The following LPP variants were observed in gnomAD, a reference collection of about 807,000 sequenced individuals.
LPP encodes lipoma-preferred partner.
LPP carries 38 observed loss-of-function variants against 60.4 expected under a neutral mutation model. The observed-to-expected ratio is 0.63, with a 90% CI of 0.49 to 0.83. LPP has a LOEUF of 0.83. LPP is among the 40% of genes least tolerant of loss of function. The probability of loss-of-function intolerance (pLI) is 0.00; values close to 1 mark genes in which losing one functional copy is unlikely to be tolerated. For missense variants in LPP, 902 were observed against 783.6 expected (o/e 1.15, Z -1.80); for synonymous variants, 328 against 290.8 (o/e 1.13, Z -1.30).
At chr3:188,479,213 T>A (rs1309315254) in intron 4 of LPP, among the ~76,000 whole-genome samples, 1 of 152,228 alleles carries the variant, frequency 6.6e-6, no homozygotes, top group Non-Finnish European at 1.5e-5. Context: ...TTGTGGAGTA[T>A]CTACATGCTT....
At chr3:188,583,144 A>G (rs1018323147) in intron 6 of LPP, among the ~76,000 whole-genome samples, 1 of 152,252 alleles carries the variant, frequency 6.6e-6, no homozygotes, top group African/African-American at 2.4e-5. Context: ...TGAATCTCAT[A>G]TAACTATGTG....
At chr3:188,742,986 T>G (rs572372714) in intron 8 of LPP, among the ~76,000 whole-genome samples, 2 of 152,250 alleles carry the variant, frequency 1.3e-5, no homozygotes, top group South Asian at 4.1e-4. Flanking sequence ...AGGTTAGGTT[T>G]CTTTAAAGGA....
intron 3 of LPP, among the ~76,000 whole-genome samples, chr3:188,369,693 A>C (rs138057257): frequency 2.5e-3 from 378 of 152,074 alleles, no homozygotes; most frequent in Non-Finnish European, 4.4e-3. Flanking sequence ...TCTGACAGCA[A>C]CTCTAGTGTA....
intron 6 of LPP, among the ~76,000 whole-genome samples, chr3:188,530,170 A>G (rs141605064): frequency 7.2e-6 from 1 of 138,906 alleles, no homozygotes; most frequent in African/African-American, 2.6e-5. Context: ...AAACTTACTT[A>G]GCAGTACCTA....
intron 9 of LPP, among the ~76,000 whole-genome samples, chr3:188,765,861 C>CTTTTTTTTTTT (rs71169019): frequency 3.2e-5 from 3 of 92,618 alleles, no homozygotes; most frequent in African/African-American, 4.3e-5. Flanking sequence ...ATGTTCAACT[C>CTTTTTTTTTTT]TTTTTTTTTT....
intron 8 of LPP, among the ~76,000 whole-genome samples, chr3:188,728,875 GAA>G (rs199585319): frequency 0.23 from 33,578 of 143,742 alleles, 4,675 homozygotes; most frequent in Middle Eastern, 0.47. Flanking sequence ...AGTGCTTTCT[GAA>G]AAAAAAAAAA....
chr3:188,274,663 C>T (rs531023030), intron 2 of LPP, among the ~76,000 whole-genome samples: 22 of 152,278 alleles, frequency 1.4e-4, no homozygotes, highest in African/African-American at 4.1e-4. Flanking sequence ...TAATAAAAAA[C>T]GATTCCAAAG....
chr3:188,775,545 T>C (rs2150763128), intron 9 of LPP, among the ~76,000 whole-genome samples: 1 of 152,320 alleles, frequency 6.6e-6, no homozygotes, highest in African/African-American at 2.4e-5. Flanking sequence ...ACTTGTTTTT[T>C]CAGAGGGTTA....
chr3:188,303,365 A>G (rs1360755922), intron 2 of LPP, among the ~76,000 whole-genome samples: 1 of 152,202 alleles, frequency 6.6e-6, no homozygotes, highest in Non-Finnish European at 1.5e-5. Flanking sequence ...TGTTTTGTTC[A>G]TTGGCTGTGT....
chr3:188,428,214 C>T (rs778286435), intron 4 of LPP, among the ~76,000 whole-genome samples: 2 of 152,146 alleles, frequency 1.3e-5, no homozygotes, highest in African/African-American at 2.4e-5. Context: ...ATGCTCCACC[C>T]TGCTTAGACT....
chr3:188,786,275 T>A (rs1741832420), intron 9 of LPP, among the ~76,000 whole-genome samples: 1 of 147,902 alleles, frequency 6.8e-6, no homozygotes, highest in African/African-American at 2.5e-5. Context: ...CCCAACTACT[T>A]GGGAGGCTGA....
intron 3 of LPP, among the ~76,000 whole-genome samples, chr3:188,380,484 C>T (rs912879525): frequency 6.6e-6 from 1 of 152,172 alleles, no homozygotes; most frequent in Non-Finnish European, 1.5e-5. Flanking sequence ...TTGAGTATGT[C>T]CCTTATGTTC....
chr3:188,191,628 G>C (rs952445002), intron 1 of LPP, among the ~76,000 whole-genome samples: 1 of 152,200 alleles, frequency 6.6e-6, no homozygotes, highest in South Asian at 2.1e-4. Flanking sequence ...AGTCAGGTCA[G>C]CCAGTGAGCA....
At chr3:188,306,824 T>C (rs796781936) in intron 2 of LPP, among the ~76,000 whole-genome samples, 14 of 152,314 alleles carry the variant, frequency 9.2e-5, no homozygotes, top group African/African-American at 3.4e-4. Context: ...GGCAGCTCAT[T>C]CAAGTATTTT....
intron 9 of LPP, among the ~76,000 whole-genome samples, chr3:188,847,861 G>A (rs1189061912): frequency 6.6e-6 from 1 of 152,142 alleles, no homozygotes; most frequent in Non-Finnish European, 1.5e-5. Flanking sequence ...TTTGAAATGA[G>A]TGATAACCAT....
intron 6 of LPP, among the ~76,000 whole-genome samples, chr3:188,591,806 T>C (rs1489070690): frequency 1.3e-5 from 2 of 152,234 alleles, no homozygotes; most frequent in East Asian, 3.8e-4. Context: ...AAATGACTGG[T>C]CTTTGATATT....
At chr3:188,437,326 A>G (rs530444084) in intron 4 of LPP, among the ~76,000 whole-genome samples, 2 of 152,346 alleles carry the variant, frequency 1.3e-5, no homozygotes, top group Non-Finnish European at 2.9e-5. Context: ...TTCAACAGGA[A>G]AAGTTCCTGC....
In LPP at chr3:188,802,848, A is replaced by G. The variant is rs1345315218; in HGVS notation, c.1410+42566A>G. 2.6e-5 allele frequency among the ~76,000 whole-genome samples: 4 copies of G among 152,216 alleles called. No homozygotes were observed. The East Asian group carries it at 7.7e-4, about 29-fold the overall frequency. ...GGATAAATTTACATATCATAAAAGT[A>G]TACTTGGCTAAGTTCTCAAAAGTAA... is the stretch of plus-strand genomic sequence containing the variant. On this transcript the variant is annotated intron_variant, in intron 9 of 11. Transcript: ENST00000617246.
intron 9 of LPP, among the ~76,000 whole-genome samples, chr3:188,864,663 A>G (rs1251030467): frequency 2.6e-5 from 4 of 152,248 alleles, no homozygotes; most frequent in Non-Finnish European, 4.4e-5. Flanking sequence ...AAATTGCGAT[A>G]CATCTAGGCA....
Sources: gnomAD v4.1 joint callset for allele counts (sites outside exome capture counted in the v4.1 genomes callset) on GRCh38, gnomAD v4.1.1 for gene constraint, MANE v1.5 for transcripts, NCBI Gene and HGNC (gene_info 2026-07-23, HGNC 2026-07-21) for gene names.